LRP2: variants seen among roughly 807,000 people sequenced by gnomAD.
The protein encoded by LRP2 is low-density lipoprotein receptor-related protein 2.
In LRP2, 172 loss-of-function variants were observed where a neutral mutation model predicts 531.0. The observed-to-expected ratio is 0.32, with a 90% CI of 0.29 to 0.37. LRP2 has a LOEUF of 0.37. Among genes scored for constraint, LRP2 ranks in the 10% least tolerant of loss-of-function variants. LRP2 has a pLI of 1.00. For missense variants in LRP2, 5,167 were observed against 5,868.3 expected, an observed-to-expected ratio of 0.88 and a Z score of 3.90; for synonymous variants, 1,992 against 2,027.6, an observed-to-expected ratio of 0.98 and a Z score of 0.47.
chr2:169,223,357 A>C (rs1689084875), intron 33 of LRP2, among the ~76,000 whole-genome samples: 1 of 152,216 alleles, frequency 6.6e-6, no homozygotes, highest in African/African-American at 2.4e-5. Flanking sequence ...CTTTTGGAAA[A>C]CTATCAGTTT....
chr2:169,220,513 A>G lies in LRP2; in HGVS notation c.5589T>C (p.Asn1863=). ...DIRYRKTLIA[N]DGTALGVGFP... ...AGCCAACTCCAAGAGCTGTCCCATC[A>G]TTGGCAATCAATGTTTTTCTGTATC... The change falls in exon 34 of 79, where the codon AAT becomes AAC. Residue 1863 remains asparagine (N), a synonymous_variant. Transcript: ENST00000649046. The G allele has an allele frequency of 6.2e-7, 1 of 1,613,610 alleles. No individual in the cohort carries two copies. The highest frequency in any genetic ancestry group is 8.5e-7 in the Non-Finnish European group (1 of 1,179,682).
chr2:169,185,888 C>CAATA lies in LRP2; in HGVS notation c.9456_9459dup (p.Asp3154TyrfsTer2). 6.2e-7 allele frequency: 1 copy of CAATA among 1,613,974 alleles called. No homozygotes were observed. Among genetic ancestry groups the CAATA allele is most frequent in the Non-Finnish European group, 8.5e-7 (1 of 1,179,976 alleles). On this transcript the variant is annotated frameshift_variant, in exon 50 of 79. Coordinates refer to ENST00000649046, the MANE Select transcript of LRP2 (RefSeq NM_004525.3). LOFTEE classifies it high-confidence loss of function. ...ACAAAAGGCATCTCTGTGCATTCAT[C>CAATA]AATATCAACACAAGTCCGCTTGTCA...
intron 24 of LRP2, among the ~76,000 whole-genome samples, chr2:169,241,941 A>G (rs1435007454): frequency 6.6e-6 from 1 of 152,192 alleles, no homozygotes; most frequent in Admixed American, 6.5e-5. Context: ...CCTATTTGAC[A>G]AGGGTAAACC....
At chr2:169,357,456 C>T (rs554860620) in intron 1 of LRP2, among the ~76,000 whole-genome samples, 2 of 151,942 alleles carry the variant, frequency 1.3e-5, no homozygotes, top group Admixed American at 6.6e-5. Context: ...CTCAGCCTCC[C>T]GAGTAGCTGG....
In LRP2 at chr2:169,185,901, A is replaced by G. The variant is rs1275519545; in HGVS notation, c.9447T>C (p.Thr3149=). 6.2e-7 allele frequency: 1 copy of G among 1,613,982 alleles called. No homozygotes were observed. Among genetic ancestry groups the G allele is most frequent in the Non-Finnish European group, 8.5e-7 (1 of 1,179,954 alleles). The change falls in exon 50 of 79, where the codon ACT becomes ACC. Residue 3149 remains threonine, a synonymous_variant. Transcript: ENST00000649046. ...PGYKLMSDKR[T]CVDIDECTEM... ...CTGTGCATTCATCAATATCAACACA[A>G]GTCCGCTTGTCAGACATGAGCTTGT...
At chr2:169,172,384 T>C (rs1278242034) in intron 57 of LRP2, among the ~76,000 whole-genome samples, 1 of 152,218 alleles carries the variant, frequency 6.6e-6, no homozygotes, top group East Asian at 1.9e-4. Flanking sequence ...ATCTGGTTTG[T>C]AATTTGCAAC....
rs746960003 is a variant in LRP2, at chr2:169,320,836, G to T, written c.128C>A (p.Ala43Glu). The change falls in exon 2 of 79, where the codon GCA (alanine) becomes GAA (glutamate). Residue 43 changes from alanine (A) to glutamate (E), a missense_variant. Around this residue, in one of 6 missense-constraint regions of LRP2, gnomAD observed 2,811 missense variants for 3,058.0 expected, o/e 0.92. Coordinates refer to ENST00000649046, the MANE Select transcript of LRP2 (RefSeq NM_004525.3). ...TTTGGTCCCATCACACCTCCAGTCT[G>T]CAGGGATGCAATGCCCACTTCCACA... ...FRCGSGHCIP[A>E]DWRCDGTKDC... 8 of 1,614,010 alleles carry T rather than the reference G, an allele frequency of 5.0e-6. No homozygotes were observed. The Admixed American group carries it at 1.3e-4, about 27-fold the overall frequency.
In LRP2 at chr2:169,128,727, T is replaced by C. The variant is rs369442840; in HGVS notation, c.13904A>G (p.Tyr4635Cys). The C allele has an allele frequency of 1.9e-6, 3 of 1,614,024 alleles. No individual in the cohort carries two copies. The highest frequency in any genetic ancestry group is 2.5e-6 in the Non-Finnish European group (3 of 1,180,004). The change falls in exon 79 of 79, where the codon TAT becomes TGT. Residue 4635 changes from tyrosine (Y) to cysteine (C), a missense_variant. By Grantham distance (194) the Tyr-to-Cys change is radical. Coordinates refer to ENST00000649046, the MANE Select transcript of LRP2 (RefSeq NM_004525.3). ...PPSRRDPTPT[Y>C]SATEDTFKDT... ...TTTAAAAGTGTCTTCTGTTGCAGAA[T>C]AGGTTGGAGTTGGGTCTCTTCTCGA...
At chr2:169,311,614 T>C (rs1684600693) in intron 3 of LRP2, among the ~76,000 whole-genome samples, 1 of 152,234 alleles carries the variant, frequency 6.6e-6, no homozygotes, top group African/African-American at 2.4e-5. Context: ...AGTGCTTTAC[T>C]TCCAACTATG....
chr2:169,213,563 C>A (rs976281662), intron 36 of LRP2, 94 bp downstream of exon 36: 2 of 997,730 alleles, frequency 2.0e-6, no homozygotes, highest in Non-Finnish European at 3.2e-6. Context: ...CGTGTATGTA[C>A]GTGAAACTGT....
At chr2:169,290,275 T>C (rs1379781509) in intron 8 of LRP2, among the ~76,000 whole-genome samples, 1 of 145,960 alleles carries the variant, frequency 6.9e-6, no homozygotes, top group Admixed American at 6.9e-5. Flanking sequence ...TTTTTTTTTT[T>C]TTTTTTTTTT....
At chr2:169,138,526 T>C (rs761364119) in intron 75 of LRP2, 51 bp downstream of exon 75, 233 of 1,600,860 alleles carry the variant, frequency 1.5e-4, no homozygotes, top group Non-Finnish European at 1.8e-4. Context: ...ATAAAAAGTA[T>C]TTATTCTATA....
chr2:169,311,928 T>G (rs987821034), intron 3 of LRP2, among the ~76,000 whole-genome samples: 1 of 152,236 alleles, frequency 6.6e-6, no homozygotes, highest in African/African-American at 2.4e-5. Flanking sequence ...CTCTTCTTGT[T>G]GACTGGATCC....
Position 169,327,887 on chromosome 2 carries a change from G to A in LRP2, c.80-7003C>T, listed in dbSNP as rs1464112815. ...CGCCCCGTCCGGGAAGGGAGGTGGG[G>A]GGGTCAGCCCCCCGCCCGGCCAGCC... On this transcript the variant is annotated intron_variant, in intron 1 of 78. Coordinates refer to ENST00000649046, the MANE Select transcript of LRP2 (RefSeq NM_004525.3). Among the ~76,000 whole-genome samples, 66 of 78,124 alleles carry A rather than the reference G, an allele frequency of 8.4e-4. 3 individuals carry two copies. Among genetic ancestry groups the A allele is most frequent in the Non-Finnish European group, 1.4e-3 (54 of 38,280 alleles). 51.3% of individuals were successfully genotyped at this position (78,124 alleles called of 152,430 possible).
At chr2:169,182,449 A>T in intron 50 of LRP2, 130 bp from the exon 51 acceptor site, 1 of 1,569,520 alleles carries the variant, frequency 6.4e-7, no homozygotes, top group South Asian at 1.1e-5. Context: ...TCTTCAGGCA[A>T]ATGAGGGCAG....
intron 66 of LRP2, 26 bp downstream of exon 66, chr2:169,154,434 T>G (rs762737740): frequency 6.2e-7 from 1 of 1,603,890 alleles, no homozygotes; most frequent in Non-Finnish European, 8.5e-7. Context: ...TTAATATCAA[T>G]GAAAGATGCC....
intron 4 of LRP2, among the ~76,000 whole-genome samples, chr2:169,305,637 C>T (rs572184795): frequency 1.3e-5 from 2 of 152,252 alleles, no homozygotes; most frequent in East Asian, 3.9e-4. Flanking sequence ...CAAAAATCTG[C>T]TCACCAATTA....
intron 52 of LRP2, among the ~76,000 whole-genome samples, chr2:169,180,435 A>G (rs1053666923): frequency 6.6e-6 from 1 of 152,256 alleles, no homozygotes; most frequent in Non-Finnish European, 1.5e-5. Flanking sequence ...AAATTCTGCA[A>G]TGAGAATGCT....
chr2:169,231,818 C>T lies in LRP2; in HGVS notation c.5123G>A (p.Arg1708His), dbSNP rs142221587. ...GGAAAGCAGGCAGAGATGGCTGCAG[C>T]GGGAAAAGGCACATGGATTCACGGC... ...PNSVNPCAFS[R>H]CSHLCLLSSQ... The change falls in exon 31 of 79, where the codon CGC becomes CAC. Residue 1708 changes from arginine to histidine, a missense_variant. Arg to His is a conservative substitution (Grantham distance 29, BLOSUM62 0). This residue lies in a region of LRP2 where 2,811 missense variants were observed against 3,058.0 expected (regional missense o/e 0.92). Transcript: ENST00000649046. The T allele has an allele frequency of 4.5e-5, 72 of 1,613,736 alleles. No homozygotes were observed. The highest frequency in any genetic ancestry group is 4.0e-5 in the African/African-American group (3 of 74,834).
Sources: allele counts gnomAD v4.1 joint callset (sites outside exome capture counted in the v4.1 genomes callset), GRCh38; gene constraint gnomAD v4.1.1; regional missense constraint gnomAD v4.1.1; transcripts MANE v1.5; gene names NCBI Gene and HGNC (gene_info 2026-07-23, HGNC 2026-07-21).